GOLM2: variants seen among roughly 807,000 people sequenced by gnomAD.
GOLM2 encodes the protein golgi membrane protein 2.
In GOLM2, 26 loss-of-function variants were observed where a neutral mutation model predicts 55.9. The ratio of observed to expected loss-of-function variants is 0.47; its 90% CI spans 0.34 to 0.65. The LOEUF (loss-of-function observed/expected upper bound fraction) is 0.65. Ranked by LOEUF, GOLM2 falls within the 30% of genes least tolerant of loss-of-function variation. The pLI is 0.01. For missense variants in GOLM2, 486 were observed against 531.8 expected, an observed-to-expected ratio of 0.91 and a Z score of 0.85; for synonymous variants, 165 against 194.6, an observed-to-expected ratio of 0.85 and a Z score of 1.27.
intron 9 of GOLM2, among the ~76,000 whole-genome samples, chr15:44,412,644 A>G (rs1177408164): frequency 6.6e-6 from 1 of 152,156 alleles, no homozygotes; most frequent in Non-Finnish European, 1.5e-5. Flanking sequence ...AAAAGCCTGA[A>G]AATGTGTACA....
chr15:44,405,582 G>T (rs1207191343), intron 9 of GOLM2, among the ~76,000 whole-genome samples: 3 of 151,988 alleles, frequency 2.0e-5, no homozygotes, highest in Non-Finnish European at 4.4e-5. Flanking sequence ...CCAGGCTGAA[G>T]CTGAATCTTC....
In GOLM2 at chr15:44,413,393, A is replaced by G. The variant is rs56277944; in HGVS notation, c.1298A>G (p.Asn433Ser). The G allele has an allele frequency of 1.2e-6, 2 of 1,609,928 alleles. No individual in the cohort carries two copies. Among genetic ancestry groups the G allele is most frequent in the East Asian group, 2.2e-5 (1 of 44,724 alleles). ...DPADYGKQHFNDVL is the reference protein window; with the variant it reads ...DPADYGKQHFSDVL ...GCAGACTATGGAAAGCAACATTTCAATGATGTCCTTTAAGTCCTAAAGGAA... is the reference window on the plus strand; with the variant it reads ...GCAGACTATGGAAAGCAACATTTCAGTGATGTCCTTTAAGTCCTAAAGGAA... Residue 433 changes from asparagine (N) to serine (S), a missense_variant, in exon 10 of 10, where the codon AAT (asparagine) becomes AGT (serine). Coordinates refer to ENST00000299957, the MANE Select transcript of GOLM2 (RefSeq NM_138423.4).
chr15:44,393,646 A>C (rs1173530221), intron 8 of GOLM2, among the ~76,000 whole-genome samples: 2 of 152,198 alleles, frequency 1.3e-5, no homozygotes, highest in African/African-American at 2.4e-5. Context: ...TTTGAGACAC[A>C]GTCTCGCTGT....
At chr15:44,335,095 G>A (rs1025012323) in intron 4 of GOLM2, among the ~76,000 whole-genome samples, 1 of 152,096 alleles carries the variant, frequency 6.6e-6, no homozygotes, top group Non-Finnish European at 1.5e-5. Flanking sequence ...TCCTGAAACA[G>A]AAAAAGGACT....
At chr15:44,337,936 T>C in intron 5 of GOLM2, 29 bp downstream of exon 5, 9 of 1,552,916 alleles carry the variant, frequency 5.8e-6, no homozygotes, top group Non-Finnish European at 6.1e-6. Flanking sequence ...TTTTGTTTTG[T>C]ATTAATAGGA....
chr15:44,338,258 A>T lies in GOLM2; in HGVS notation c.743A>T (p.Asp248Val), dbSNP rs747409342. Residue 248 changes from aspartate (D) to valine (V), a missense_variant, in exon 6 of 10, where the codon GAT becomes GTT. Asp to Val is a radical substitution (Grantham distance 152). Transcript: ENST00000299957. ...GCAGAACAAATCAAAAGAGGTGGTGATGCAGGGATGCCTGGAATAGAAGAG... is the reference window on the plus strand; with the variant it reads ...GCAGAACAAATCAAAAGAGGTGGTGTTGCAGGGATGCCTGGAATAGAAGAG... Reference protein sequence around the residue: ...HGKEQIKRGGDAGMPGIEEND... With the variant: ...HGKEQIKRGGVAGMPGIEEND... 6 of 1,613,808 alleles carry T rather than the reference A, an allele frequency of 3.7e-6. No homozygotes were observed. The South Asian group carries it at 5.5e-5, about 15-fold the overall frequency.
intron 6 of GOLM2, among the ~76,000 whole-genome samples, chr15:44,376,492 C>T (rs2079365729): frequency 6.6e-6 from 1 of 151,722 alleles, no homozygotes; most frequent in African/African-American, 2.4e-5. Flanking sequence ...AAATGATCTT[C>T]CTGCCTTGGC....
At chr15:44,305,018 T>C (rs2078826749) in intron 1 of GOLM2, among the ~76,000 whole-genome samples, 1 of 152,040 alleles carries the variant, frequency 6.6e-6, no homozygotes, top group East Asian at 1.9e-4. Context: ...TGTTCTTTTT[T>C]TTGAGGCACA....
At chr15:44,386,730 G>T (rs60916105) in intron 8 of GOLM2, among the ~76,000 whole-genome samples, 3 of 151,370 alleles carry the variant, frequency 2.0e-5, no homozygotes, top group Non-Finnish European at 4.4e-5. Context: ...AATTAGCCAG[G>T]CATGGTGGCA....
intron 1 of GOLM2, among the ~76,000 whole-genome samples, chr15:44,303,536 A>C (rs1484892561): frequency 6.6e-6 from 1 of 152,142 alleles, no homozygotes; most frequent in Non-Finnish European, 1.5e-5. Flanking sequence ...TATAATGAAA[A>C]AAAGTTTGAG....
intron 8 of GOLM2, chr15:44,382,298 T>C (rs2141195288): frequency 6.6e-6 from 1 of 152,126 alleles, no homozygotes; most frequent in Admixed American, 6.5e-5. Context: ...CACTTAAGAT[T>C]TTCTTCTTTT....
chr15:44,293,518 G>A (rs1485382687), intron 1 of GOLM2, among the ~76,000 whole-genome samples: 1 of 151,946 alleles, frequency 6.6e-6, no homozygotes, highest in East Asian at 1.9e-4. Context: ...ACCTTTTCTT[G>A]TTTTTGATAA....
intron 4 of GOLM2, among the ~76,000 whole-genome samples, chr15:44,337,151 G>T (rs2079063003): frequency 6.6e-6 from 1 of 151,894 alleles, no homozygotes; most frequent in Admixed American, 6.6e-5. Flanking sequence ...CTTAATACTG[G>T]TCCACCAAGA....
At chr15:44,351,384 G>T (rs1473517676) in intron 6 of GOLM2, among the ~76,000 whole-genome samples, 1 of 151,902 alleles carries the variant, frequency 6.6e-6, no homozygotes, top group Non-Finnish European at 1.5e-5. Context: ...AGACCATCCT[G>T]GCTAACATGG....
chr15:44,405,541 T>A (rs910597226), intron 9 of GOLM2: 5 of 152,172 alleles, frequency 3.3e-5, no homozygotes, highest in African/African-American at 1.2e-4. Flanking sequence ...GGATCCTTTT[T>A]TTTAATTGAG....
chr15:44,335,830 T>TC (rs1301496480), intron 4 of GOLM2, among the ~76,000 whole-genome samples: 1 of 150,942 alleles, frequency 6.6e-6, no homozygotes, highest in East Asian at 1.9e-4. Context: ...TTTTTTTTTT[T>TC]CTGAGACAGA....
At chr15:44,377,994 G>A (rs1595657771) in intron 6 of GOLM2, among the ~76,000 whole-genome samples, 1 of 149,922 alleles carries the variant, frequency 6.7e-6, no homozygotes, top group African/African-American at 2.4e-5. Context: ...TTTTCTATAG[G>A]AACATGTTAT....
rs879704600 is a variant in GOLM2 at position 44,311,468 on chromosome 15, C to CT, written c.328-11486dup. Reference sequence around the variant, plus strand: ...ATGATGTCTGAAAAAGATTGCTTTTCTTTTTTTTTTTATTATTGTGGTAAG... The same window carrying CT: ...ATGATGTCTGAAAAAGATTGCTTTTCTTTTTTTTTTTTATTATTGTGGTAAG... On this transcript the variant is annotated intron_variant, in intron 1 of 9. Transcript: ENST00000299957. Among the ~76,000 whole-genome samples the CT allele has an allele frequency of 8.3e-3, 1,205 of 145,748 alleles. 12 individuals carry two copies. Among genetic ancestry groups the CT allele is most frequent in the African/African-American group, 0.027 (1,082 of 39,906 alleles).
chr15:44,356,877 A>T (rs185808086), intron 6 of GOLM2, among the ~76,000 whole-genome samples: 2 of 152,334 alleles, frequency 1.3e-5, no homozygotes, highest in East Asian at 3.9e-4. Context: ...AACAATGTAT[A>T]CAAGAATTAT....
Sources: allele counts gnomAD v4.1 joint callset (sites outside exome capture counted in the v4.1 genomes callset), GRCh38; gene constraint gnomAD v4.1.1; transcripts MANE v1.5; gene names NCBI Gene and HGNC (gene_info 2026-07-23, HGNC 2026-07-21).